The following MAGI2 variants were observed in gnomAD, a reference collection of about 807,000 sequenced individuals.
MAGI2 encodes membrane-associated guanylate kinase, WW and PDZ domain-containing protein 2.
Under a neutral mutation model 133.3 loss-of-function variants are expected in MAGI2, and 35 were observed. The observed-to-expected ratio is 0.26, with a 90% CI of 0.20 to 0.35. The LOEUF (loss-of-function observed/expected upper bound fraction) is 0.35. MAGI2 is among the 10% of genes least tolerant of loss of function. The pLI is 1.00. For missense variants in MAGI2, 1,636 were observed against 1,863.4 expected (o/e 0.88, Z 2.25); for synonymous variants, 729 against 710.6 (o/e 1.03, Z -0.41).
intron 6 of MAGI2, among the ~76,000 whole-genome samples, chr7:78,468,338 C>A (rs181870291): frequency 6.6e-6 from 1 of 151,942 alleles, no homozygotes; most frequent in Non-Finnish European, 1.5e-5. Flanking sequence ...TCCAGGCAGA[C>A]AATATAAATG....
At chr7:78,214,967 A>T (rs2150817689) in intron 10 of MAGI2, among the ~76,000 whole-genome samples, 1 of 152,330 alleles carries the variant, frequency 6.6e-6, no homozygotes, top group African/African-American at 2.4e-5. Context: ...TGGAGCAGAG[A>T]GTCACAGCTT....
At chr7:79,356,742 G>A (rs1212204602) in intron 1 of MAGI2, among the ~76,000 whole-genome samples, 1 of 152,128 alleles carries the variant, frequency 6.6e-6, no homozygotes, top group Non-Finnish European at 1.5e-5. Context: ...AATAGATTGG[G>A]TCACTGTGTT....
At chr7:79,452,821 A>C (rs1586041296) in intron 1 of MAGI2, 199 bp downstream of exon 1, 1 of 603,254 alleles carries the variant, frequency 1.7e-6, no homozygotes, top group Non-Finnish European at 2.8e-6. Context: ...TGCACGCCAC[A>C]CCACAACCTG....
At chr7:78,220,745 G>T (rs1213291699) in intron 10 of MAGI2, among the ~76,000 whole-genome samples, 1 of 152,166 alleles carries the variant, frequency 6.6e-6, no homozygotes, top group Admixed American at 6.5e-5. Context: ...CATTTTTACA[G>T]AGGTGGAAGC....
At chr7:78,901,006 A>G (rs892301954) in intron 2 of MAGI2, among the ~76,000 whole-genome samples, 4 of 152,312 alleles carry the variant, frequency 2.6e-5, no homozygotes, top group African/African-American at 9.6e-5. Flanking sequence ...CCAAGCAGCC[A>G]TCTTGCTAAT....
intron 4 of MAGI2, among the ~76,000 whole-genome samples, chr7:78,511,719 G>C (rs993498903): frequency 6.6e-6 from 1 of 150,904 alleles, no homozygotes; most frequent in African/African-American, 2.4e-5. Flanking sequence ...TATGCAAATT[G>C]ATTATTGACT....
At chr7:78,187,823 C>T (rs3807662) in intron 12 of MAGI2, among the ~76,000 whole-genome samples, 41,433 of 152,034 alleles carry the variant, frequency 0.27, 5,918 homozygotes, top group South Asian at 0.37. Flanking sequence ...TATACTCTCA[C>T]GAGGACCTAC....
At chr7:78,519,043 C>T (rs142257101) in intron 4 of MAGI2, 2 of 149,604 alleles carry the variant, frequency 1.3e-5, no homozygotes, top group Non-Finnish European at 2.9e-5. Flanking sequence ...TGGCTAGGAA[C>T]ATGTTTCTCA....
chr7:79,203,994 C>T (rs1465543341), intron 1 of MAGI2, among the ~76,000 whole-genome samples: 1 of 151,992 alleles, frequency 6.6e-6, no homozygotes, highest in Non-Finnish European at 1.5e-5. Context: ...TAAGAAAAGG[C>T]ACATGGAAGA....
At chr7:78,028,737 C>T (rs1584879454) in intron 21 of MAGI2, among the ~76,000 whole-genome samples, 1 of 151,784 alleles carries the variant, frequency 6.6e-6, no homozygotes. Flanking sequence ...TGCCTGTAAT[C>T]CCAGCTACTC....
At chr7:78,549,467 T>A (rs1209067845) in intron 3 of MAGI2, among the ~76,000 whole-genome samples, 1 of 151,998 alleles carries the variant, frequency 6.6e-6, no homozygotes, top group East Asian at 1.9e-4. Context: ...CCATCCAATC[T>A]GGAGAAGAGT....
At chr7:78,124,503 A>G (rs911387917) in intron 20 of MAGI2, among the ~76,000 whole-genome samples, 9 of 152,204 alleles carry the variant, frequency 5.9e-5, no homozygotes, top group African/African-American at 2.2e-4. Flanking sequence ...GGAAATGCGT[A>G]TCATAGAAAT....
intron 2 of MAGI2, among the ~76,000 whole-genome samples, chr7:78,677,546 A>T (rs1364169276): frequency 6.6e-6 from 1 of 152,030 alleles, no homozygotes; most frequent in Admixed American, 6.6e-5. Context: ...ATTAAAAAAA[A>T]TAAGCATTTA....
At chr7:79,103,691 A>ATTTATTT (rs778758525) in intron 1 of MAGI2, among the ~76,000 whole-genome samples, 2 of 151,486 alleles carry the variant, frequency 1.3e-5, no homozygotes, top group East Asian at 3.9e-4. Flanking sequence ...TTATTTATTT[A>ATTTATTT]TTTATTTTTT....
chr7:79,099,864 A>G (rs1310359222), intron 1 of MAGI2, among the ~76,000 whole-genome samples: 1 of 152,150 alleles, frequency 6.6e-6, no homozygotes, highest in African/African-American at 2.4e-5. Flanking sequence ...TTCTTTATCA[A>G]ATGGTAATAT....
chr7:79,438,559 T>A (rs1013467100), intron 1 of MAGI2, among the ~76,000 whole-genome samples: 1 of 152,080 alleles, frequency 6.6e-6, no homozygotes, highest in African/African-American at 2.4e-5. Context: ...ATTTCCCCTG[T>A]ACAGTAAATT....
At chr7:78,033,071 A>G (rs765685201) in intron 21 of MAGI2, among the ~76,000 whole-genome samples, 9 of 152,196 alleles carry the variant, frequency 5.9e-5, no homozygotes, top group Non-Finnish European at 1.2e-4. Context: ...CAAGAACAGC[A>G]GTCTGGAGGC....
Position 78,183,559 on chromosome 7 carries a change from C to A in MAGI2, c.2311+2070G>T, listed in dbSNP as rs545389664. ...GATTGCAGGCATGCACCACCGCAAT[C>A]GGCCATTTTTGTATTTTTTATTAGA... On this transcript the variant is annotated intron_variant, in intron 13 of 21. Transcript: ENST00000354212. Among the ~76,000 whole-genome samples the A allele has an allele frequency of 2.0e-5, 3 of 151,864 alleles. No homozygotes were observed. The South Asian group carries it at 6.2e-4, about 32-fold the overall frequency.
chr7:78,785,618 T>C (rs1024614374), intron 2 of MAGI2, among the ~76,000 whole-genome samples: 1 of 152,174 alleles, frequency 6.6e-6, no homozygotes, highest in Non-Finnish European at 1.5e-5. Flanking sequence ...CATAATTGCT[T>C]CTCTCACGGT....
Sources: gnomAD v4.1 joint callset for allele counts (sites outside exome capture counted in the v4.1 genomes callset) on GRCh38, gnomAD v4.1.1 for gene constraint, MANE v1.5 for transcripts, NCBI Gene and HGNC (gene_info 2026-07-23, HGNC 2026-07-21) for gene names.